Variants in ZNF251 observed in about 807,000 individuals in gnomAD.
ZNF251 encodes the protein zinc finger protein 251.
In ZNF251, 14 loss-of-function variants were observed where a neutral mutation model predicts 13.5. That is an observed-to-expected ratio of 1.04 (90% CI 0.69 to 1.63). The LOEUF (loss-of-function observed/expected upper bound fraction) is 1.63, where lower values mean the gene tolerates loss of function less well. ZNF251 is among the 40% of genes most tolerant of loss of function. The pLI, the probability that ZNF251 is intolerant of heterozygous loss-of-function variation, is 0.00. For synonymous variants in ZNF251, 287 were observed against 295.2 expected (o/e 0.97, Z 0.28); for missense variants, 764 against 834.9 (o/e 0.92, Z 1.05).
chr8:144,754,630 G>A, intron 2 of ZNF251, 66 bp downstream of exon 2: 1 of 1,552,398 alleles, frequency 6.4e-7, no homozygotes, highest in South Asian at 1.2e-5. Context: ...GGCTCCAGAG[G>A]AGAGTAGCTT....
In ZNF251 at chr8:144,722,468, C is replaced by A; in HGVS notation, c.1192G>T (p.Val398Phe). Residue 398 changes from valine (V) to phenylalanine (F), a missense_variant, in exon 5 of 5, where the codon GTT (valine) becomes TTT (phenylalanine). Physicochemically the swap from Val to Phe is conservative, Grantham distance 50 (BLOSUM62 -1). Transcript: ENST00000292562. This position sits in a 1 kb window ranked among gnomAD's most constrained non-coding sequence, Gnocchi z 4.8. ...QSSSLFLHHR[V>F]HTGEKPYVCN... The stretch of plus-strand genomic sequence containing the variant: ...ACATAGGGTTTCTCTCCAGTATGAA[C>A]CCGATGATGGAGGAAAAGGCTTGAG... The A allele has an allele frequency of 6.2e-7, 1 of 1,613,944 alleles. No individual in the cohort carries two copies. The highest frequency in any genetic ancestry group is 8.5e-7 in the Non-Finnish European group (1 of 1,179,954).
rs748540334 is a variant in ZNF251 at position 144,721,652 on chromosome 8, G to A, written c.2008C>T (p.His670Tyr). The stretch of plus-strand genomic sequence containing the variant: ...CTTCTGCATTTATCACATTAAAAAT[G>A]TCTTTCTTGGAAAATCTTCTTGATA... The part of the protein sequence containing the change: ...IHIKKIFQER[H>Y]F Residue 670 changes from histidine (H) to tyrosine (Y), a missense_variant, in exon 5 of 5, where the codon CAT becomes TAT. Physicochemically the swap from His to Tyr is moderately conservative, Grantham distance 83. Transcript: ENST00000292562. 4.5e-6 allele frequency: 6 copies of A among 1,341,748 alleles called. No individual in the cohort carries two copies. Among genetic ancestry groups the A allele is most frequent in the South Asian group, 2.8e-5 (1 of 35,278 alleles). 83.1% of individuals were successfully genotyped at this position (1,341,748 alleles called of 1,614,324 possible).
chr8:144,721,999 A>G lies in ZNF251; in HGVS notation c.1661T>C (p.Ile554Thr). 1 of 1,586,800 alleles carries G rather than the reference A, an allele frequency of 6.3e-7. No homozygotes were observed. Among genetic ancestry groups the G allele is most frequent in the Non-Finnish European group, 8.6e-7 (1 of 1,166,400 alleles). ...GRAFNHGANL[I>T]LRWTVHTGEK... Reference sequence around the variant, plus strand: ...ACCAGTGTGAACTGTCCAGCGCAGAATGAGATTTGCACCATGGTTAAAGGC... The same window carrying G: ...ACCAGTGTGAACTGTCCAGCGCAGAGTGAGATTTGCACCATGGTTAAAGGC... The change falls in exon 5 of 5, where the codon ATT becomes ACT. Residue 554 changes from isoleucine (I) to threonine (T), a missense_variant. Ile to Thr is a moderately conservative substitution (Grantham distance 89). Coordinates refer to ENST00000292562, the MANE Select transcript of ZNF251 (RefSeq NM_138367.2).
intron 4 of ZNF251, among the ~76,000 whole-genome samples, chr8:144,729,527 G>A (rs1298077582): frequency 6.6e-6 from 1 of 151,762 alleles, no homozygotes; most frequent in Non-Finnish European, 1.5e-5. Context: ...TAGTAGAGAC[G>A]GGGTTTCACT....
chr8:144,753,539 C>G, intron 4 of ZNF251, 144 bp downstream of exon 4: 1 of 611,370 alleles, frequency 1.6e-6, no homozygotes, highest in Non-Finnish European at 2.9e-6. Flanking sequence ...CACATGCTCA[C>G]ATTTGTAGAG....
rs1311767693 is a variant in ZNF251 at position 144,723,364 on chromosome 8, T to G, written c.296A>C (p.Lys99Thr). ...TTGGTTTAAAATAGATAGTTCCTTC[T>G]TGGTCCCAACCTCAGAATCTGTTAA... Reference protein sequence around the residue: ...SCQKDSEVGTKKELSILNQKF... With the variant: ...SCQKDSEVGTTKELSILNQKF... The change falls in exon 5 of 5, where the codon AAG becomes ACG. Residue 99 changes from lysine (K) to threonine (T), a missense_variant. Lys to Thr is a moderately conservative substitution (Grantham distance 78, BLOSUM62 -1). Transcript: ENST00000292562. The G allele has an allele frequency of 3.3e-6, 5 of 1,499,654 alleles. No homozygotes were observed. The highest frequency in any genetic ancestry group is 4.4e-6 in the Non-Finnish European group (5 of 1,127,152). 92.9% of individuals were successfully genotyped at this position (1,499,654 alleles called of 1,614,324 possible).
intron 2 of ZNF251, 127 bp from the exon 3 acceptor site, chr8:144,754,448 C>G: frequency 6.9e-7 from 1 of 1,446,568 alleles, no homozygotes; most frequent in Non-Finnish European, 9.1e-7. Flanking sequence ...TGTGTATCAG[C>G]AGGTCCCTGA....
intron 4 of ZNF251, among the ~76,000 whole-genome samples, chr8:144,748,378 A>G (rs1210340921): frequency 6.6e-6 from 1 of 151,982 alleles, no homozygotes; most frequent in African/African-American, 2.4e-5. Flanking sequence ...GGCCAACCTC[A>G]CATATTTTGA....
At chr8:144,723,848 C>T (rs777835570) in intron 4 of ZNF251, among the ~76,000 whole-genome samples, 9 of 152,184 alleles carry the variant, frequency 5.9e-5, no homozygotes, top group Non-Finnish European at 1.2e-4. Context: ...GAGTGAGATT[C>T]AAGCTGAAAC....
chr8:144,750,405 G>C (rs1824639668), intron 4 of ZNF251, among the ~76,000 whole-genome samples: 1 of 152,130 alleles, frequency 6.6e-6, no homozygotes, highest in African/African-American at 2.4e-5. Context: ...TCCCCCACCT[G>C]CCATTAGGTG....
chr8:144,732,735 C>T (rs912369761), intron 4 of ZNF251, among the ~76,000 whole-genome samples: 18 of 151,232 alleles, frequency 1.2e-4, no homozygotes, highest in Admixed American at 1.3e-4. Context: ...TGGCGTGAAC[C>T]CGGGAGGCGG....
In ZNF251 at chr8:144,735,184, G is replaced by A. The variant is rs117719619; in HGVS notation, c.278-11802C>T. On this transcript the variant is annotated intron_variant, in intron 4 of 4. Coordinates refer to ENST00000292562, the MANE Select transcript of ZNF251 (RefSeq NM_138367.2). Reference sequence around the variant, plus strand: ...GTAGATCATCTGAAGTCAGGAGTTCGAGACCATCCTAGCCAACATGGTAAA... The same window carrying A: ...GTAGATCATCTGAAGTCAGGAGTTCAAGACCATCCTAGCCAACATGGTAAA... 1.8e-4 allele frequency among the ~76,000 whole-genome samples: 27 copies of A among 151,976 alleles called. No individual in the cohort carries two copies. In the East Asian group the frequency reaches 5.2e-3, roughly 30 times the overall value.
At chr8:144,739,416 G>A (rs556004180) in intron 4 of ZNF251, among the ~76,000 whole-genome samples, 10 of 151,884 alleles carry the variant, frequency 6.6e-5, no homozygotes, top group African/African-American at 7.2e-5. Flanking sequence ...CCACTCCCCC[G>A]CCTAAACTAG....
At chr8:144,739,073 C>T (rs912266775) in intron 4 of ZNF251, among the ~76,000 whole-genome samples, 29 of 151,930 alleles carry the variant, frequency 1.9e-4, no homozygotes, top group Non-Finnish European at 3.5e-4. Flanking sequence ...GATGACATCG[C>T]TCCAACTTCA....
chr8:144,723,077 T>C lies in ZNF251; in HGVS notation c.583A>G (p.Asn195Asp), dbSNP rs1382847973. ...TTATTTCTTTGAAGTCTAACAACAT[T>C]TTGGTCCAGATTCAAGTTTCTATCA... is the stretch of plus-strand genomic sequence containing the variant. Reference protein sequence around the residue: ...AFDRNLNLDQNVVRLQRNKTG... With the variant: ...AFDRNLNLDQDVVRLQRNKTG... The change falls in exon 5 of 5, where the codon AAT (asparagine) becomes GAT (aspartate). Residue 195 changes from asparagine (N) to aspartate (D), a missense_variant. By Grantham distance (23) the Asn-to-Asp change is conservative (BLOSUM62 1). Coordinates refer to ENST00000292562, the MANE Select transcript of ZNF251 (RefSeq NM_138367.2). 1.2e-6 allele frequency: 2 copies of C among 1,614,060 alleles called. No homozygotes were observed. Among genetic ancestry groups the C allele is most frequent in the Admixed American group, 1.7e-5 (1 of 60,024 alleles).
At chr8:144,735,327 C>T (rs1026695083) in intron 4 of ZNF251, among the ~76,000 whole-genome samples, 3 of 142,466 alleles carry the variant, frequency 2.1e-5, no homozygotes, top group African/African-American at 8.0e-5. Context: ...GCAGAGGTTG[C>T]AGTGAGCTGA....
intron 4 of ZNF251, among the ~76,000 whole-genome samples, chr8:144,738,267 G>C (rs904779000): frequency 7.9e-5 from 12 of 152,126 alleles, no homozygotes; most frequent in Non-Finnish European, 1.5e-4. Flanking sequence ...TTGCCCATGG[G>C]GTTCTGAACT....
intron 4 of ZNF251, among the ~76,000 whole-genome samples, chr8:144,737,522 C>G (rs1333041014): frequency 6.8e-6 from 1 of 146,872 alleles, no homozygotes; most frequent in East Asian, 2.1e-4. Flanking sequence ...AACAAACAAA[C>G]AAACAAACAA....
chr8:144,747,355 T>G (rs1272754574), intron 4 of ZNF251, among the ~76,000 whole-genome samples: 2 of 152,174 alleles, frequency 1.3e-5, no homozygotes, highest in Non-Finnish European at 2.9e-5. Flanking sequence ...TATGTTAAAG[T>G]GTTTTGTGGC....
Sources: allele counts gnomAD v4.1 joint callset (sites outside exome capture counted in the v4.1 genomes callset), GRCh38; gene constraint gnomAD v4.1.1; non-coding constraint Gnocchi (gnomAD v3.1); transcripts MANE v1.5; gene names NCBI Gene and HGNC (gene_info 2026-07-23, HGNC 2026-07-21).